HMGXB4: variants seen among roughly 807,000 people sequenced by gnomAD.
The protein encoded by HMGXB4 is HMG-box containing 4, also known as HMG domain-containing protein 4.
HMGXB4 carries 27 observed loss-of-function variants against 63.9 expected under a neutral mutation model. That is an observed-to-expected ratio of 0.42 (90% confidence interval 0.31 to 0.58). The LOEUF (loss-of-function observed/expected upper bound fraction) is 0.58, where lower values mean the gene tolerates loss of function less well. Among genes scored for constraint, HMGXB4 ranks in the 20% least tolerant of loss-of-function variants. The pLI is 0.13. For missense variants in HMGXB4, 624 were observed against 700.7 expected (o/e 0.89, Z 1.24); for synonymous variants, 264 against 265.3 (o/e 0.99, Z 0.05).
the HMGXB4 span, among the ~76,000 whole-genome samples, chr22:35,241,765 C>T: frequency 6.6e-6 from 1 of 152,212 alleles, no homozygotes; most frequent in Non-Finnish European, 1.5e-5. Flanking sequence ...GGGGCACTCA[C>T]AGTATTTGGG....
chr22:35,262,611 G>T (rs1922933512), intron 2 of HMGXB4, among the ~76,000 whole-genome samples, 190 bp downstream of exon 2: 2 of 152,104 alleles, frequency 1.3e-5, no homozygotes, highest in Admixed American at 1.3e-4. Flanking sequence ...CAGGACAGGG[G>T]TTCCAACACG....
intron 6 of HMGXB4, 77 bp from the exon 7 acceptor site, chr22:35,285,919 GT>G: frequency 9.2e-7 from 1 of 1,091,610 alleles, no homozygotes; most frequent in Non-Finnish European, 1.3e-6. Context: ...CCCTTTTCCA[GT>G]TTTTGCTTTC....
At chr22:35,256,011 A>C (rs2146386082), upstream of HMGXB4, among the ~76,000 whole-genome samples, 1 of 152,368 alleles carries the variant, frequency 6.6e-6, no homozygotes, top group East Asian at 1.9e-4. Context: ...GATTTCAGCA[A>C]CTTTATCTCA....
intron 4 of HMGXB4, chr22:35,264,209 C>T (rs1923046886): frequency 1.8e-6 from 1 of 556,006 alleles, no homozygotes; most frequent in South Asian, 1.9e-5. Flanking sequence ...ACTTCTCAAC[C>T]AGTATATATC....
At chr22:35,283,794 A>T (rs12172233) in intron 5 of HMGXB4, among the ~76,000 whole-genome samples, 168 bp from the exon 6 acceptor site, 4 of 150,066 alleles carry the variant, frequency 2.7e-5, no homozygotes, top group South Asian at 4.2e-4. Flanking sequence ...TATCTCAAAA[A>T]ATATATATAT....
intron 5 of HMGXB4, among the ~76,000 whole-genome samples, chr22:35,267,255 A>G (rs904061987): frequency 6.6e-6 from 1 of 151,724 alleles, no homozygotes; most frequent in Non-Finnish European, 1.5e-5. Context: ...CAGTGTGAAC[A>G]TAAAGACCTG....
intron 5 of HMGXB4, among the ~76,000 whole-genome samples, chr22:35,282,413 T>C (rs926770437): frequency 2.0e-5 from 3 of 152,230 alleles, no homozygotes; most frequent in Admixed American, 2.0e-4. Context: ...CTGCCCGCCT[T>C]GGCCTCCCAA....
At chr22:35,250,700 G>C in the HMGXB4 span, among the ~76,000 whole-genome samples, 1 of 152,132 alleles carries the variant, frequency 6.6e-6, no homozygotes, top group Admixed American at 6.5e-5. Context: ...AAAGGGGAGT[G>C]GGGGAGATGC....
At chr22:35,272,024 C>T (rs1280674664) in intron 5 of HMGXB4, among the ~76,000 whole-genome samples, 1 of 152,010 alleles carries the variant, frequency 6.6e-6, no homozygotes. Flanking sequence ...AGTTCAAGAC[C>T]CAGAATTTGG....
In HMGXB4 at chr22:35,265,342, G is replaced by C; in HGVS notation, c.954G>C (p.Lys318Asn). Reference sequence around the variant, plus strand: ...ATGATTCTTACCGAGAAATCAAGAAGAAAAAGAAGTCAAAGAAGAGCAAAA... The same window carrying C: ...ATGATTCTTACCGAGAAATCAAGAACAAAAAGAAGTCAAAGAAGAGCAAAA... Reference protein sequence around the residue: ...VIDDSYREIKKKKKSKKSKKK... With the variant: ...VIDDSYREIKNKKKSKKSKKK... The change falls in exon 5 of 11, where the codon AAG (lysine) becomes AAC (asparagine). Residue 318 changes from lysine (K) to asparagine (N), a missense_variant. Lys to Asn is a moderately conservative substitution (Grantham distance 94). Around this residue, in one of 2 missense-constraint regions of HMGXB4, gnomAD observed 472 missense variants for 470.6 expected, o/e 1.00. Transcript: ENST00000216106. The C allele has an allele frequency of 6.2e-7, 1 of 1,613,830 alleles. No individual in the cohort carries two copies. Among genetic ancestry groups the C allele is most frequent in the Non-Finnish European group, 8.5e-7 (1 of 1,179,970 alleles).
At chr22:35,280,157 C>T (rs1227949272) in intron 5 of HMGXB4, among the ~76,000 whole-genome samples, 2 of 151,930 alleles carry the variant, frequency 1.3e-5, no homozygotes, top group African/African-American at 4.8e-5. Context: ...TGCCATATAA[C>T]GTAATATGAC....
At chr22:35,261,591 A>T (rs1922860727) in intron 1 of HMGXB4, among the ~76,000 whole-genome samples, 1 of 152,220 alleles carries the variant, frequency 6.6e-6, no homozygotes, top group Non-Finnish European at 1.5e-5. Flanking sequence ...AGCAATTCTT[A>T]TTAGTGAAGG....
intron 1 of HMGXB4, among the ~76,000 whole-genome samples, chr22:35,259,956 C>G (rs1395752501): frequency 6.6e-6 from 1 of 152,260 alleles, no homozygotes; most frequent in Non-Finnish European, 1.5e-5. Context: ...TCTATTCCCT[C>G]TCACAACTTT....
chr22:35,242,530 G>GCTCTCT, the HMGXB4 span, among the ~76,000 whole-genome samples: 2,868 of 146,032 alleles, frequency 0.02, 83 homozygotes, highest in African/African-American at 0.059. Context: ...ATAGTAATCT[G>GCTCTCT]CTCTCTCTCT....
At chr22:35,285,942 A>G (rs1924550756) in intron 6 of HMGXB4, 55 bp from the exon 7 acceptor site, 3 of 1,317,598 alleles carry the variant, frequency 2.3e-6, no homozygotes, top group South Asian at 1.3e-5. Flanking sequence ...CCAATCTTCT[A>G]TTTTGTTAAT....
At chr22:35,257,340 C>T (rs1288944918), upstream of HMGXB4, 12 of 152,734 alleles carry the variant, frequency 7.9e-5, no homozygotes, top group East Asian at 2.1e-3. Context: ...TGGGACATAG[C>T]AAATTCTCAA....
At position 35,264,894 on chromosome 22, in the gene HMGXB4, C is replaced by T. The variant is rs548546912; in HGVS notation, c.506C>T (p.Ser169Leu). Residue 169 changes from serine to leucine, a missense_variant, in exon 5 of 11, where the codon TCG becomes TTG. Coordinates refer to ENST00000216106, the MANE Select transcript of HMGXB4 (RefSeq NM_001003681.3). Reference protein sequence around the residue: ...LPLEDGGSHKSKKMKPLYVNT... With the variant: ...LPLEDGGSHKLKKMKPLYVNT... ...CTAGAGGATGGTGGCTCCCACAAAT[C>T]GAAAAAAATGAAACCTCTCTATGTG... is the stretch of plus-strand genomic sequence containing the variant. 20 of 1,613,798 alleles carry T rather than the reference C, an allele frequency of 1.2e-5. No homozygotes were observed. In the Admixed American group the frequency reaches 2.5e-4, roughly 20 times the overall value.
At chr22:35,274,957 T>C (rs1421551939) in intron 5 of HMGXB4, among the ~76,000 whole-genome samples, 1 of 152,106 alleles carries the variant, frequency 6.6e-6, no homozygotes, top group African/African-American at 2.4e-5. Context: ...TGCCACTCCG[T>C]GGAGCTGTGA....
the HMGXB4 span, among the ~76,000 whole-genome samples, chr22:35,246,990 C>T: frequency 6.6e-6 from 1 of 152,152 alleles, no homozygotes; most frequent in East Asian, 1.9e-4. Context: ...TGTTTATTGT[C>T]CTTGTCTTCT....
Sources: gnomAD v4.1 joint callset for allele counts (sites outside exome capture counted in the v4.1 genomes callset) on GRCh38, gnomAD v4.1.1 for gene constraint, gnomAD v4.1.1 regional missense constraint, MANE v1.5 for transcripts, NCBI Gene and HGNC (gene_info 2026-07-23, HGNC 2026-07-21) for gene names.